Variants in NCOA6 observed in about 807,000 individuals in gnomAD.
NCOA6 encodes NRC RAP250.
In NCOA6, 49 loss-of-function variants were observed where a neutral mutation model predicts 171.4. The observed-to-expected ratio is 0.29, with a 90% CI of 0.23 to 0.36. The LOEUF is 0.36. Among genes scored for constraint, NCOA6 ranks in the 10% least tolerant of loss-of-function variants. The probability of loss-of-function intolerance (pLI) is 1.00; values close to 1 mark genes in which losing one functional copy is unlikely to be tolerated. For synonymous variants in NCOA6, 910 were observed against 927.5 expected, an observed-to-expected ratio of 0.98 and a Z score of 0.34; for missense variants, 2,248 against 2,554.5, an observed-to-expected ratio of 0.88 and a Z score of 2.59.
At chr20:34,810,640 C>T (rs2146608492) in intron 1 of NCOA6, among the ~76,000 whole-genome samples, 1 of 152,030 alleles carries the variant, frequency 6.6e-6, no homozygotes. Flanking sequence ...ACTGCAAGCT[C>T]CGCCTCCCGG....
intron 3 of NCOA6, among the ~76,000 whole-genome samples, chr20:34,780,148 T>C (rs1175556945): frequency 1.3e-5 from 2 of 152,246 alleles, no homozygotes; most frequent in African/African-American, 2.4e-5. Context: ...CTCTGAAGTA[T>C]GTTGGAATCT....
intron 5 of NCOA6, 117 bp from the exon 6 acceptor site, chr20:34,759,050 T>A: frequency 9.1e-7 from 1 of 1,104,582 alleles, no homozygotes; most frequent in Non-Finnish European, 1.3e-6. Context: ...TTTGACAGGG[T>A]CTCGCTCTGT....
At chr20:34,728,677 G>A (rs1990257120) in intron 13 of NCOA6, among the ~76,000 whole-genome samples, 1 of 152,098 alleles carries the variant, frequency 6.6e-6, no homozygotes, top group African/African-American at 2.4e-5. Context: ...CCACACATAA[G>A]GAAGTTAAAA....
At chr20:34,808,975 AAACT>A (rs2078558847) in intron 1 of NCOA6, among the ~76,000 whole-genome samples, 1 of 152,166 alleles carries the variant, frequency 6.6e-6, no homozygotes, top group Non-Finnish European at 1.5e-5. Context: ...CAGCTGAATG[AAACT>A]AACTATATAC....
In NCOA6 at chr20:34,742,810, T is replaced by C. The variant is rs1168746383; in HGVS notation, c.3446A>G (p.Asn1149Ser). ...EAPSVPGGPN[N>S]MPSHVVLPQN... ...GGGAAGTACTACATGTGAAGGCATG[T>C]TGTTTGGGCCTCCTGGGACAGATGG... The change falls in exon 11 of 15, where the codon AAC becomes AGC. Residue 1149 changes from asparagine (N) to serine (S), a missense_variant. Coordinates refer to ENST00000359003, the MANE Select transcript of NCOA6 (RefSeq NM_014071.5). 6.2e-7 allele frequency: 1 copy of C among 1,614,126 alleles called. No homozygotes were observed. Among genetic ancestry groups the C allele is most frequent in the Non-Finnish European group, 8.5e-7 (1 of 1,180,012 alleles).
intron 9 of NCOA6, among the ~76,000 whole-genome samples, 182 bp from the exon 10 acceptor site, chr20:34,747,110 A>G (rs1247326102): frequency 6.6e-6 from 1 of 152,222 alleles, no homozygotes; most frequent in East Asian, 1.9e-4. Context: ...TGGCAATTTC[A>G]TTAAATGTTA....
At chr20:34,750,624 T>A in intron 8 of NCOA6, 105 bp from the exon 9 acceptor site, 2 of 1,208,776 alleles carry the variant, frequency 1.7e-6, no homozygotes, top group Non-Finnish European at 2.2e-6. Context: ...CACCCTTATA[T>A]CCACTGACCA....
intron 14 of NCOA6, among the ~76,000 whole-genome samples, chr20:34,716,901 A>G (rs906401664): frequency 1.1e-4 from 17 of 152,208 alleles, no homozygotes; most frequent in Admixed American, 6.5e-5. Context: ...TCTGGTTTTA[A>G]TATGAAAATA....
rs549369267 is a variant in NCOA6 at position 34,787,178 on chromosome 20, A to G, written c.-49-4774T>C. Reference sequence around the variant, plus strand: ...CGCTTTCAGGTCTCCCCTGCCTCCAATCTTATTGTCCTCCAATCTGTCTCC... The same window carrying G: ...CGCTTTCAGGTCTCCCCTGCCTCCAGTCTTATTGTCCTCCAATCTGTCTCC... On this transcript the variant is annotated intron_variant, in intron 2 of 14. Transcript: ENST00000359003. Among the ~76,000 whole-genome samples the G allele has an allele frequency of 5.3e-5, 8 of 151,770 alleles. No individual in the cohort carries two copies. In the South Asian group the frequency reaches 1.2e-3, roughly 24 times the overall value.
At position 34,741,057 on chromosome 20, in the gene NCOA6, G is replaced by T. The variant is rs763214234; in HGVS notation, c.5199C>A (p.Val1733=). The change falls in exon 11 of 15, where the codon GTC becomes GTA. Residue 1733 remains valine (V), a synonymous_variant. Transcript: ENST00000359003. ...APNIQTGRPL[V]LSSRATPVQL... ...GAACAGGGGTGGCTCGTGAGCTAAG[G>T]ACCAAAGGTCGACCTGTCTGGATGT... 1.5e-5 allele frequency: 24 copies of T among 1,614,242 alleles called. No individual in the cohort carries two copies. Among genetic ancestry groups the T allele is most frequent in the Non-Finnish European group, 2.0e-5 (24 of 1,180,048 alleles).
At chr20:34,721,992 C>G (rs957421511) in intron 14 of NCOA6, among the ~76,000 whole-genome samples, 1 of 133,510 alleles carries the variant, frequency 7.5e-6, no homozygotes, top group Non-Finnish European at 1.5e-5. Flanking sequence ...GAGTTTGAGG[C>G]TGCAGTGAGT....
chr20:34,781,020 T>C (rs2077501820), intron 3 of NCOA6, among the ~76,000 whole-genome samples: 1 of 152,042 alleles, frequency 6.6e-6, no homozygotes, highest in Non-Finnish European at 1.5e-5. Context: ...AACAGAAAAA[T>C]GTGGTAATTA....
chr20:34,755,660 A>C (rs190737559), intron 7 of NCOA6, among the ~76,000 whole-genome samples: 238 of 152,382 alleles, frequency 1.6e-3, no homozygotes, highest in African/African-American at 4.0e-3. Flanking sequence ...CTAGGTGAGC[A>C]TATCATCTGC....
chr20:34,719,849 T>C (rs1335950842), intron 14 of NCOA6, among the ~76,000 whole-genome samples: 3 of 152,234 alleles, frequency 2.0e-5, no homozygotes, highest in African/African-American at 2.4e-5. Flanking sequence ...AGGTGGTTAC[T>C]CTTCAGGGTT....
chr20:34,788,148 T>C (rs1054626001), intron 2 of NCOA6, among the ~76,000 whole-genome samples: 1 of 151,858 alleles, frequency 6.6e-6, no homozygotes, highest in Non-Finnish European at 1.5e-5. Context: ...CCAGCAGTTA[T>C]ATTTATATCT....
chr20:34,718,992 T>C (rs918188574), intron 14 of NCOA6, among the ~76,000 whole-genome samples: 1 of 152,204 alleles, frequency 6.6e-6, no homozygotes, highest in Non-Finnish European at 1.5e-5. Flanking sequence ...GATAGACAAA[T>C]AGTTCAAACT....
intron 1 of NCOA6, among the ~76,000 whole-genome samples, chr20:34,817,203 C>A: frequency 1.5e-5 from 1 of 68,502 alleles, no homozygotes; most frequent in African/African-American, 4.7e-5. Context: ...TCAACAGATT[C>A]AATATCAGTA....
At position 34,740,727 on chromosome 20, in the gene NCOA6, T is replaced by C; in HGVS notation, c.5529A>G (p.Glu1843=). Residue 1843 remains glutamate (E), a synonymous_variant, in exon 11 of 15, where the codon GAA becomes GAG. Transcript: ENST00000359003. ...KKVTGSLEKG[E]EQYGADGETE... ...TCTCTCCATCTGCACCATATTGTTC[T>C]TCCCCTTTCTCAAGAGAGCCTGTAA... The C allele has an allele frequency of 1.9e-6, 3 of 1,614,230 alleles. No individual in the cohort carries two copies. The highest frequency in any genetic ancestry group is 2.2e-5 in the East Asian group (1 of 44,894).
chr20:34,759,485 CTGTTCT>C (rs2076753625), intron 5 of NCOA6, among the ~76,000 whole-genome samples: 1 of 152,154 alleles, frequency 6.6e-6, no homozygotes, highest in African/African-American at 2.4e-5. Context: ...GTTAACAGTT[CTGTTCT>C]TGTTTATTGA....
Sources: gnomAD v4.1 joint callset for allele counts (sites outside exome capture counted in the v4.1 genomes callset) on GRCh38, gnomAD v4.1.1 for gene constraint, MANE v1.5 for transcripts, NCBI Gene and HGNC (gene_info 2026-07-23, HGNC 2026-07-21) for gene names.